SNX18: variants seen among roughly 807,000 people sequenced by gnomAD.
SNX18 encodes the protein sorting nexin-18.
Under a neutral mutation model 48.7 loss-of-function variants are expected in SNX18, and 35 were observed. The ratio of observed to expected loss-of-function variants is 0.72; its 90% CI spans 0.55 to 0.95. The LOEUF is 0.95. Among genes scored for constraint, SNX18 ranks in the 40% least tolerant of loss-of-function variants. The probability of loss-of-function intolerance (pLI) is 0.00; values close to 1 mark genes in which losing one functional copy is unlikely to be tolerated. For missense variants in SNX18, 824 were observed against 871.0 expected, an observed-to-expected ratio of 0.95 and a Z score of 0.68; for synonymous variants, 492 against 384.7, an observed-to-expected ratio of 1.28 and a Z score of -3.26.
rs1438899018 is a variant in SNX18 at position 54,519,239 on chromosome 5, C to A, written c.1287C>A (p.Asp429Glu). 2.5e-6 allele frequency: 4 copies of A among 1,613,982 alleles called. No homozygotes were observed. The highest frequency in any genetic ancestry group is 1.7e-5 in the Admixed American group (1 of 60,004). Residue 429 changes from aspartate to glutamate, a missense_variant, in exon 1 of 2, where the codon GAC becomes GAA. Asp to Glu is a conservative substitution (Grantham distance 45, BLOSUM62 2). Coordinates refer to ENST00000381410, the MANE Select transcript of SNX18 (RefSeq NM_001102575.2). ...TGCAGGAGGTGGAGAGCAAGATCGA[C>A]GGCTTCAAGTGCTTCACCAAGAAGA... ...LDLQEVESKI[D>E]GFKCFTKKMD...
intron 1 of SNX18, among the ~76,000 whole-genome samples, chr5:54,528,964 G>T (rs1483458409): frequency 6.6e-6 from 1 of 152,166 alleles, no homozygotes; most frequent in Non-Finnish European, 1.5e-5. Flanking sequence ...GGTGTTCTTT[G>T]AAAAGCTCCT....
the SNX18 span, among the ~76,000 whole-genome samples, chr5:54,566,033 C>A: frequency 3.7e-4 from 56 of 152,302 alleles, no homozygotes; most frequent in African/African-American, 1.2e-3. Context: ...CCGCATCAAT[C>A]AGCTGTGTCC....
chr5:54,637,784 C>T, the SNX18 span, among the ~76,000 whole-genome samples: 1 of 152,112 alleles, frequency 6.6e-6, no homozygotes, highest in South Asian at 2.1e-4. Flanking sequence ...GGGATGGTGC[C>T]GGGCCCTCTG....
At chr5:54,553,651 C>T in the SNX18 span, among the ~76,000 whole-genome samples, 1 of 152,144 alleles carries the variant, frequency 6.6e-6, no homozygotes, top group Admixed American at 6.5e-5. Flanking sequence ...ACTGCTGTCC[C>T]GAGATGTAAC....
chr5:54,601,036 T>C, the SNX18 span, among the ~76,000 whole-genome samples: 6 of 152,194 alleles, frequency 3.9e-5, no homozygotes, highest in East Asian at 1.9e-4. Flanking sequence ...TTGTTGTCCA[T>C]CAATCATCTA....
chr5:54,605,547 T>C, the SNX18 span, among the ~76,000 whole-genome samples: 6 of 152,164 alleles, frequency 3.9e-5, no homozygotes, highest in Admixed American at 2.6e-4. Context: ...TTGAAAACAA[T>C]GTTTTTTAAA....
chr5:54,537,600 A>G (rs554524234), intron 1 of SNX18, among the ~76,000 whole-genome samples: 1 of 151,628 alleles, frequency 6.6e-6, no homozygotes, highest in South Asian at 2.1e-4. Flanking sequence ...TCATTATATA[A>G]TTGCTCCCCC....
At chr5:54,592,167 T>G in the SNX18 span, among the ~76,000 whole-genome samples, 1 of 152,158 alleles carries the variant, frequency 6.6e-6, no homozygotes, top group South Asian at 2.1e-4. Flanking sequence ...ATCTGCCCCT[T>G]TACTATACCC....
At chr5:54,530,957 T>A (rs560340607) in intron 1 of SNX18, among the ~76,000 whole-genome samples, 4 of 152,004 alleles carry the variant, frequency 2.6e-5, no homozygotes, top group African/African-American at 9.7e-5. Context: ...TTCATCATGT[T>A]GGCCAGGCTT....
At chr5:54,564,582 C>A in the SNX18 span, among the ~76,000 whole-genome samples, 1 of 152,128 alleles carries the variant, frequency 6.6e-6, no homozygotes, top group African/African-American at 2.4e-5. Flanking sequence ...TTAGGCTGGG[C>A]GCAGTGGCTC....
Position 54,518,052 on chromosome 5 carries a change from G to C in SNX18, c.100G>C (p.Asp34His). 1.3e-6 allele frequency: 2 copies of C among 1,546,644 alleles called. No individual in the cohort carries two copies. The highest frequency in any genetic ancestry group is 1.7e-6 in the Non-Finnish European group (2 of 1,151,022). Residue 34 changes from aspartate to histidine, a missense_variant, in exon 1 of 2, where the codon GAC becomes CAC. Physicochemically the swap from Asp to His is moderately conservative, Grantham distance 81. Coordinates refer to ENST00000381410, the MANE Select transcript of SNX18 (RefSeq NM_001102575.2). Reference sequence around the variant, plus strand: ...GGTGCTGAGCCTGTGCAGCGAGCAGGACATCGAGGGCTGGCTCGAGGGGGT... The same window carrying C: ...GGTGCTGAGCCTGTGCAGCGAGCAGCACATCGAGGGCTGGCTCGAGGGGGT... ...HEVLSLCSEQ[D>H]IEGWLEGVNS...
chr5:54,597,929 CA>C, the SNX18 span, among the ~76,000 whole-genome samples: 2 of 151,560 alleles, frequency 1.3e-5, no homozygotes, highest in East Asian at 1.9e-4. Context: ...AAAAACCCTT[CA>C]AAAAAATCAA....
the SNX18 span, among the ~76,000 whole-genome samples, chr5:54,612,263 TA>T: frequency 1.4e-5 from 1 of 69,388 alleles, no homozygotes; most frequent in African/African-American, 1.1e-4. Flanking sequence ...AATTTTTTTT[TA>T]TTTTTTTTTT....
the SNX18 span, among the ~76,000 whole-genome samples, chr5:54,556,782 A>T: frequency 6.6e-6 from 1 of 152,086 alleles, no homozygotes; most frequent in Admixed American, 6.6e-5. Flanking sequence ...TGCACAAAAA[A>T]CTTCAACTGC....
the SNX18 span, among the ~76,000 whole-genome samples, chr5:54,628,458 G>A: frequency 3.1e-3 from 473 of 152,226 alleles, 7 homozygotes; most frequent in East Asian, 0.018. Flanking sequence ...TTCACTCCCA[G>A]CTGGAAGAGT....
At position 54,544,901 on chromosome 5, in the gene SNX18, C is replaced by A. The variant is rs1294394257; in HGVS notation, c.*1469C>A. 1 of 151,990 alleles carries A rather than the reference C, an allele frequency of 6.6e-6. No homozygotes were observed. The highest frequency in any genetic ancestry group is 1.5e-5 in the Non-Finnish European group (1 of 68,000). 9.4% of individuals were successfully genotyped at this position (151,990 alleles called of 1,614,324 possible). Reference sequence around the variant, plus strand: ...TTTTATGAAGTCAAACTTATGCTGCCTCAGAAATCCCTGGGTACTGAAATG... The same window carrying A: ...TTTTATGAAGTCAAACTTATGCTGCATCAGAAATCCCTGGGTACTGAAATG... On this transcript the variant is annotated 3_prime_UTR_variant, in exon 2 of 2. Coordinates refer to ENST00000381410, the MANE Select transcript of SNX18 (RefSeq NM_001102575.2).
chr5:54,571,926 CTACCA>C, the SNX18 span, among the ~76,000 whole-genome samples: 1 of 152,162 alleles, frequency 6.6e-6, no homozygotes, highest in Non-Finnish European at 1.5e-5. Flanking sequence ...GTGGCACCCC[CTACCA>C]TGTATCAGTT....
the SNX18 span, among the ~76,000 whole-genome samples, chr5:54,612,341 C>T: frequency 2.0e-5 from 3 of 151,832 alleles, no homozygotes; most frequent in African/African-American, 7.3e-5. Context: ...TCACTGCAAC[C>T]TCTGCCTCCC....
chr5:54,564,815 G>A, the SNX18 span, among the ~76,000 whole-genome samples: 4 of 152,284 alleles, frequency 2.6e-5, no homozygotes, highest in Middle Eastern at 6.8e-3. Flanking sequence ...CCAAGTTTGC[G>A]CCACTGCTCT....
Sources: gnomAD v4.1 joint callset for allele counts (sites outside exome capture counted in the v4.1 genomes callset) on GRCh38, gnomAD v4.1.1 for gene constraint, MANE v1.5 for transcripts, NCBI Gene and HGNC (gene_info 2026-07-23, HGNC 2026-07-21) for gene names.